The following FREM3 variants were observed in gnomAD, a reference collection of about 807,000 sequenced individuals.
FREM3 encodes the protein FRAS1 related extracellular matrix 3, also known as FRAS1-related extracellular matrix protein 3.
A neutral mutation model predicts 129.1 loss-of-function variants in FREM3; 105 were observed. That is an observed-to-expected ratio of 0.81 (90% CI 0.69 to 0.96). FREM3 has a LOEUF of 0.96. Among genes scored for constraint, FREM3 ranks in the 40% least tolerant of loss-of-function variants. The pLI is 0.00. For missense variants in FREM3, 2,593 were observed against 2,666.3 expected (o/e 0.97, Z 0.61); for synonymous variants, 1,014 against 1,044.9 (o/e 0.97, Z 0.57).
chr4:143,646,882 T>C (rs1489600182), intron 2 of FREM3, among the ~76,000 whole-genome samples: 5 of 151,936 alleles, frequency 3.3e-5, no homozygotes, highest in East Asian at 1.9e-4. Context: ...CAGAAGAAGA[T>C]AGGAAAATGT....
chr4:143,581,119 G>T (rs1738134893), intron 7 of FREM3, among the ~76,000 whole-genome samples: 2 of 152,192 alleles, frequency 1.3e-5, no homozygotes, highest in South Asian at 2.1e-4. Context: ...GCCCAGTGCA[G>T]CAGGATTATA....
intron 2 of FREM3, among the ~76,000 whole-genome samples, chr4:143,691,254 T>G (rs972045342): frequency 2.6e-5 from 4 of 152,146 alleles, no homozygotes; most frequent in Admixed American, 2.6e-4. Flanking sequence ...AGAAGTGCAG[T>G]CTTGGCCCTG....
chr4:143,677,250 C>G (rs930085867), intron 2 of FREM3, among the ~76,000 whole-genome samples: 1 of 152,166 alleles, frequency 6.6e-6, no homozygotes, highest in Non-Finnish European at 1.5e-5. Flanking sequence ...ACATCTACAA[C>G]TATCTGATCT....
At chr4:143,686,683 C>T (rs540338986) in intron 2 of FREM3, among the ~76,000 whole-genome samples, 46 of 152,138 alleles carry the variant, frequency 3.0e-4, no homozygotes, top group Non-Finnish European at 6.0e-4. Flanking sequence ...ACCTTCAAAA[C>T]CATGCAAATA....
chr4:143,613,021 A>C (rs1738788437), intron 5 of FREM3, among the ~76,000 whole-genome samples: 1 of 152,226 alleles, frequency 6.6e-6, no homozygotes, highest in Non-Finnish European at 1.5e-5. Flanking sequence ...GTTGGTGTCC[A>C]TCACTGCATG....
chr4:143,611,705 G>T (rs1184548709), intron 5 of FREM3, among the ~76,000 whole-genome samples, 178 bp from the exon 6 acceptor site: 3 of 152,148 alleles, frequency 2.0e-5, no homozygotes, highest in Non-Finnish European at 4.4e-5. Context: ...ATAGACTCTG[G>T]TATTTTGACA....
chr4:143,687,116 A>G (rs1740384484), intron 2 of FREM3, among the ~76,000 whole-genome samples: 1 of 152,186 alleles, frequency 6.6e-6, no homozygotes, highest in South Asian at 2.1e-4. Flanking sequence ...CTAATCAAGA[A>G]AAGTAGAGAG....
At position 143,617,856 on chromosome 4, in the gene FREM3, G is replaced by A. The variant is rs918831287; in HGVS notation, c.5779+3181C>T. On this transcript the variant is annotated intron_variant, in intron 5 of 7. Coordinates refer to ENST00000329798, the MANE Select transcript of FREM3 (RefSeq NM_001168235.2). ...TAATGGGCAAGTATGTGGGAGCTAC[G>A]GGGTGTGGTTGAGGCTGGACAGACC... Among the ~76,000 whole-genome samples the A allele has an allele frequency of 3.3e-5, 5 of 152,114 alleles. 1 individual carries two copies. Among genetic ancestry groups the A allele is most frequent in the Admixed American group, 3.3e-4 (5 of 15,276 alleles).
intron 4 of FREM3, 22 bp downstream of exon 4, chr4:143,624,086 C>A: frequency 7.3e-7 from 1 of 1,365,804 alleles, no homozygotes; most frequent in Non-Finnish European, 1.0e-6. Flanking sequence ...GTTAATAAAG[C>A]AAATCAATCA....
chr4:143,647,308 G>A (rs1739436073), intron 2 of FREM3, among the ~76,000 whole-genome samples: 2 of 152,178 alleles, frequency 1.3e-5, no homozygotes, highest in Middle Eastern at 3.2e-3. Context: ...AAAATTTGCA[G>A]TCTGACAATG....
chr4:143,589,159 G>A (rs1345352984), intron 6 of FREM3, among the ~76,000 whole-genome samples: 2 of 152,088 alleles, frequency 1.3e-5, no homozygotes, highest in African/African-American at 4.8e-5. Context: ...CAGATGAGTA[G>A]GTTGCAAAAA....
In FREM3 at chr4:143,577,661, C is replaced by T. The variant is rs577428010; in HGVS notation, c.6370G>A (p.Glu2124Lys). 32 of 1,537,258 alleles carry T rather than the reference C, an allele frequency of 2.1e-5. No homozygotes were observed. Among genetic ancestry groups the T allele is most frequent in the Admixed American group, 1.6e-4 (8 of 50,976 alleles). ...TGCTTACAGTCCGTGATGGTGTCCT[C>T]GATGAAAATGGTAGTTTTATTTGGT... ...GEPNKTTIFI[E>K]DTITDCKQSA... The change falls in exon 8 of 8, where the codon GAG (glutamate) becomes AAG (lysine). Residue 2124 changes from glutamate (E) to lysine (K), a missense_variant. Coordinates refer to ENST00000329798, the MANE Select transcript of FREM3 (RefSeq NM_001168235.2).
chr4:143,631,674 A>C (rs1159273017), intron 2 of FREM3, among the ~76,000 whole-genome samples: 3 of 152,158 alleles, frequency 2.0e-5, no homozygotes, highest in Non-Finnish European at 4.4e-5. Context: ...GAGCAAAACA[A>C]GTAGAAAGGA....
intron 2 of FREM3, among the ~76,000 whole-genome samples, chr4:143,665,946 T>C (rs1022163617): frequency 2.6e-5 from 4 of 152,148 alleles, no homozygotes; most frequent in African/African-American, 9.6e-5. Flanking sequence ...ACACTATCAA[T>C]CCAGCACATT....
At position 143,670,937 on chromosome 4, in the gene FREM3, C is replaced by T. The variant is rs147116872; in HGVS notation, c.5275+22176G>A. ...ATTTTTATGGAGAGAAACATGAATG[C>T]AAATGTTTTAATGCAAATACTAAAA... On this transcript the variant is annotated intron_variant, in intron 2 of 7. Coordinates refer to ENST00000329798, the MANE Select transcript of FREM3 (RefSeq NM_001168235.2). Among the ~76,000 whole-genome samples, 231 of 152,074 alleles carry T rather than the reference C, an allele frequency of 1.5e-3. 1 individual carries two copies. Among genetic ancestry groups the T allele is most frequent in the Non-Finnish European group, 2.6e-3 (174 of 67,926 alleles).
chr4:143,693,204 TAA>T lies in FREM3; in HGVS notation c.5186-4_5186-3del. ...ATATCTTCATCTCATCAATGTCAGCTAAAAAAAAAGCAACCATCACACAAAGT... is the reference window on the plus strand; with the variant it reads ...ATATCTTCATCTCATCAATGTCAGCTAAAAAAAGCAACCATCACACAAAGT... On this transcript the variant is annotated splice_region_variant and splice_polypyrimidine_tract_variant and intron_variant, in intron 1 of 7. Coordinates refer to ENST00000329798, the MANE Select transcript of FREM3 (RefSeq NM_001168235.2). 1.4e-6 allele frequency: 2 copies of T among 1,445,312 alleles called. No homozygotes were observed. The highest frequency in any genetic ancestry group is 2.6e-5 in the East Asian group (1 of 38,952). The allele number at this position is 1,445,312 out of a possible 1,614,324, so 89.5% of individuals were successfully genotyped here. A position where few individuals can be genotyped will look rare whatever the true frequency, so the allele number is the denominator to read the frequency against.
At chr4:143,634,509 C>T (rs1231220672) in intron 2 of FREM3, among the ~76,000 whole-genome samples, 3 of 152,024 alleles carry the variant, frequency 2.0e-5, no homozygotes, top group South Asian at 2.1e-4. Flanking sequence ...CTCAGACCTG[C>T]TACTGGGGTA....
intron 6 of FREM3, among the ~76,000 whole-genome samples, chr4:143,595,644 T>G (rs1738459190): frequency 1.3e-5 from 2 of 152,054 alleles, no homozygotes; most frequent in African/African-American, 4.8e-5. Context: ...TCCCAGCACT[T>G]TGGGAGGCCA....
chr4:143,638,549 C>T (rs571193612), intron 2 of FREM3, among the ~76,000 whole-genome samples: 104 of 152,092 alleles, frequency 6.8e-4, no homozygotes, highest in Non-Finnish European at 1.3e-3. Flanking sequence ...TTTTCGGATA[C>T]GATCTTGAGT....
Sources: gnomAD v4.1 joint callset for allele counts (sites outside exome capture counted in the v4.1 genomes callset) on GRCh38, gnomAD v4.1.1 for gene constraint, MANE v1.5 for transcripts, NCBI Gene and HGNC (gene_info 2026-07-23, HGNC 2026-07-21) for gene names.